The following ROBO2 variants were observed in gnomAD, a reference collection of about 807,000 sequenced individuals.
ROBO2 encodes roundabout guidance receptor 2, also known as roundabout homolog 2.
Under a neutral mutation model 160.8 loss-of-function variants are expected in ROBO2, and 53 were observed. The observed-to-expected ratio is 0.33, with a 90% CI of 0.26 to 0.41. ROBO2 has a LOEUF of 0.41. Among genes scored for constraint, ROBO2 ranks in the 10% least tolerant of loss-of-function variants. The probability of loss-of-function intolerance (pLI) is 1.00; values close to 1 mark genes in which losing one functional copy is unlikely to be tolerated. For missense variants in ROBO2, 1,577 were observed against 1,722.4 expected, an observed-to-expected ratio of 0.92 and a Z score of 1.49; for synonymous variants, 664 against 611.7, an observed-to-expected ratio of 1.09 and a Z score of -1.26.
At chr3:77,606,493 A>G (rs2094528902) in intron 20 of ROBO2, among the ~76,000 whole-genome samples, 1 of 151,446 alleles carries the variant, frequency 6.6e-6, no homozygotes, top group South Asian at 2.1e-4. Flanking sequence ...AAACAAGTAT[A>G]CTACAAGGCA....
chr3:77,081,073 T>A (rs1446382363), intron 1 of ROBO2, among the ~76,000 whole-genome samples: 1 of 152,204 alleles, frequency 6.6e-6, no homozygotes, highest in Non-Finnish European at 1.5e-5. Context: ...GTTTGTTGTG[T>A]GTTTGACATC....
chr3:76,877,818 T>C (rs2072917647), intron 2 of ROBO2, among the ~76,000 whole-genome samples: 1 of 152,158 alleles, frequency 6.6e-6, no homozygotes, highest in Non-Finnish European at 1.5e-5. Context: ...CTTGCACAGT[T>C]ACCTTCCTGC....
At chr3:77,617,628 G>T in exon 22 of ROBO2, 1 of 1,614,136 alleles carries the variant, frequency 6.2e-7, no homozygotes, top group Non-Finnish European at 8.5e-7. Flanking sequence ...TGTTCGAGGC[G>T]TGGCTTCTTC....
intron 2 of ROBO2, among the ~76,000 whole-genome samples, chr3:76,316,161 A>C (rs2072005086): frequency 6.6e-6 from 1 of 152,138 alleles, no homozygotes; most frequent in Non-Finnish European, 1.5e-5. Flanking sequence ...TCTTAACAGG[A>C]AACAGGGTTC....
chr3:77,207,216 A>G (rs973744278), intron 2 of ROBO2, among the ~76,000 whole-genome samples: 4 of 152,150 alleles, frequency 2.6e-5, no homozygotes, highest in Non-Finnish European at 4.4e-5. Context: ...TCTCTCTTAT[A>G]AGAGATCTAA....
At chr3:77,194,651 C>G (rs2082157224) in intron 2 of ROBO2, among the ~76,000 whole-genome samples, 1 of 152,046 alleles carries the variant, frequency 6.6e-6, no homozygotes, top group Non-Finnish European at 1.5e-5. Context: ...TGAAAAAGAA[C>G]TCTAAAATTT....
intron 2 of ROBO2, among the ~76,000 whole-genome samples, chr3:77,476,886 G>A (rs1027168363): frequency 6.6e-6 from 1 of 152,104 alleles, no homozygotes; most frequent in African/African-American, 2.4e-5. Flanking sequence ...GTGCTGCAAG[G>A]GTGAACTATG....
At chr3:77,035,090 C>T (rs989587452), upstream of ROBO2, among the ~76,000 whole-genome samples, 1 of 151,790 alleles carries the variant, frequency 6.6e-6, no homozygotes, top group African/African-American at 2.4e-5. Context: ...AGTGGATTTG[C>T]GAGGCTGACT....
chr3:77,519,755 T>C (rs1045693076), intron 5 of ROBO2, among the ~76,000 whole-genome samples: 3 of 151,262 alleles, frequency 2.0e-5, no homozygotes, highest in Admixed American at 6.6e-5. Context: ...GCTTGTGGGG[T>C]TTTTTGGTAA....
intron 2 of ROBO2, among the ~76,000 whole-genome samples, chr3:76,265,804 CT>C (rs1288475212): frequency 2.0e-5 from 3 of 152,066 alleles, no homozygotes; most frequent in Admixed American, 6.6e-5. Flanking sequence ...TTTAATACAT[CT>C]TTAACAGAAA....
intron 2 of ROBO2, among the ~76,000 whole-genome samples, chr3:77,155,117 C>A (rs115212549): frequency 6.6e-6 from 1 of 151,772 alleles, no homozygotes; most frequent in Non-Finnish European, 1.5e-5. Flanking sequence ...AATTACTGGA[C>A]GTATGGTCAG....
At chr3:76,541,274 C>T (rs2082801477) in intron 2 of ROBO2, among the ~76,000 whole-genome samples, 1 of 152,154 alleles carries the variant, frequency 6.6e-6, no homozygotes, top group Non-Finnish European at 1.5e-5. Flanking sequence ...GGGTTAACAT[C>T]TAATACTCTT....
At chr3:76,702,860 A>G (rs201331259) in intron 2 of ROBO2, among the ~76,000 whole-genome samples, 1 of 152,140 alleles carries the variant, frequency 6.6e-6, no homozygotes, top group Non-Finnish European at 1.5e-5. Flanking sequence ...GAGCCTCAGC[A>G]TGTTACTGCT....
At chr3:76,531,620 C>CTTTTTTTT (rs74266991) in intron 2 of ROBO2, among the ~76,000 whole-genome samples, 2 of 121,852 alleles carry the variant, frequency 1.6e-5, no homozygotes, top group Admixed American at 8.2e-5. Context: ...TGTACAGTTT[C>CTTTTTTTT]TTTTTTTTTT....
intron 2 of ROBO2, among the ~76,000 whole-genome samples, chr3:77,028,949 A>C (rs77344264): frequency 0.012 from 1,840 of 152,310 alleles, 50 homozygotes; most frequent in African/African-American, 0.041. Flanking sequence ...GGTACAACAC[A>C]AGGCACTGAG....
chr3:76,021,872 A>G (rs1259269830), intron 2 of ROBO2, among the ~76,000 whole-genome samples: 2 of 151,500 alleles, frequency 1.3e-5, no homozygotes, highest in Non-Finnish European at 3.0e-5. Flanking sequence ...CAAGGCAGCA[A>G]TGAAGTTTGC....
At chr3:77,295,556 C>G (rs1214958855) in intron 2 of ROBO2, among the ~76,000 whole-genome samples, 1 of 81,768 alleles carries the variant, frequency 1.2e-5, no homozygotes. Context: ...TCACCAAAGT[C>G]ATAAAGTAAA....
At chr3:76,724,193 C>G (rs749281209) in intron 2 of ROBO2, among the ~76,000 whole-genome samples, 1 of 152,152 alleles carries the variant, frequency 6.6e-6, no homozygotes, top group Non-Finnish European at 1.5e-5. Context: ...ATTTGCTTCT[C>G]CATCCAGCCC....
chr3:76,448,159 A>G (rs115273106), intron 2 of ROBO2, among the ~76,000 whole-genome samples: 5,688 of 152,180 alleles, frequency 0.037, 323 homozygotes, highest in African/African-American at 0.12. Context: ...CAAGCTGAAA[A>G]GGTTTTGAAA....
Sources: gnomAD v4.1 joint callset for allele counts (sites outside exome capture counted in the v4.1 genomes callset) on GRCh38, gnomAD v4.1.1 for gene constraint, MANE v1.5 for transcripts, NCBI Gene and HGNC (gene_info 2026-07-23, HGNC 2026-07-21) for gene names.